Variants in RAB6A observed in about 807,000 individuals in gnomAD.
RAB6A encodes RAB6A, member RAS oncogene family.
RAB6A carries 8 observed loss-of-function variants against 32.3 expected under a neutral mutation model. The observed-to-expected ratio is 0.25, with a 90% CI of 0.15 to 0.45. The LOEUF (loss-of-function observed/expected upper bound fraction) is 0.45. Ranked by LOEUF, RAB6A falls within the 20% of genes least tolerant of loss-of-function variation. The pLI is 1.00. For missense variants in RAB6A, 104 were observed against 249.4 expected, an observed-to-expected ratio of 0.42 and a Z score of 3.93; for synonymous variants, 73 against 82.1, an observed-to-expected ratio of 0.89 and a Z score of 0.60.
intron 1 of RAB6A, among the ~76,000 whole-genome samples, chr11:73,747,135 T>C (rs557831523): frequency 1.2e-4 from 18 of 152,116 alleles, no homozygotes; most frequent in East Asian, 3.9e-4. Context: ...TTTTGGCTTA[T>C]AGAAAAGCTA....
chr11:73,690,498 G>A (rs1945533662), intron 6 of RAB6A, among the ~76,000 whole-genome samples: 2 of 151,768 alleles, frequency 1.3e-5, no homozygotes, highest in South Asian at 2.1e-4. Flanking sequence ...CAATCCTCCT[G>A]CCTCAGCCTC....
chr11:73,701,078 C>T (rs964491203), intron 6 of RAB6A, among the ~76,000 whole-genome samples: 1 of 151,922 alleles, frequency 6.6e-6, no homozygotes, highest in East Asian at 1.9e-4. Flanking sequence ...ATGTGATGTG[C>T]ATTATAATCT....
At chr11:73,718,914 A>T (rs768543416) in intron 3 of RAB6A, 196 bp from the exon 4 acceptor site, 63 of 1,055,458 alleles carry the variant, frequency 6.0e-5, no homozygotes, top group Admixed American at 1.9e-4. Context: ...AAAAATAAAT[A>T]AAAAAAAAAA....
intron 6 of RAB6A, among the ~76,000 whole-genome samples, chr11:73,697,508 C>T (rs1422080192): frequency 2.0e-5 from 3 of 151,648 alleles, no homozygotes; most frequent in African/African-American, 4.9e-5. Context: ...CCACCACACT[C>T]GGCTGATTTT....
intron 1 of RAB6A, among the ~76,000 whole-genome samples, chr11:73,752,816 TC>T (rs1387291189): frequency 1.5e-5 from 2 of 135,790 alleles, no homozygotes; most frequent in Non-Finnish European, 3.1e-5. Context: ...AGACTCCAGC[TC>T]AAAAAAAAGA....
chr11:73,703,766 A>T (rs981217224), intron 6 of RAB6A, among the ~76,000 whole-genome samples: 1 of 151,346 alleles, frequency 6.6e-6, no homozygotes, highest in Non-Finnish European at 1.5e-5. Context: ...AAACAAAAAC[A>T]ATCTAAATTA....
At chr11:73,736,819 A>AAAG (rs562070207) in intron 1 of RAB6A, among the ~76,000 whole-genome samples, 8 of 144,178 alleles carry the variant, frequency 5.5e-5, no homozygotes, top group African/African-American at 2.1e-4. Context: ...GAAAAAAAAA[A>AAAG]AAAAAAACAA....
chr11:73,715,212 C>T (rs895986435), intron 5 of RAB6A, among the ~76,000 whole-genome samples: 1 of 151,996 alleles, frequency 6.6e-6, no homozygotes, highest in South Asian at 2.1e-4. Context: ...CTGCAACCTC[C>T]GCTCCCCTGG....
intron 1 of RAB6A, among the ~76,000 whole-genome samples, chr11:73,742,146 G>T (rs1043533591): frequency 2.6e-5 from 4 of 152,086 alleles, no homozygotes; most frequent in South Asian, 2.1e-4. Flanking sequence ...GCTGGGTGTG[G>T]TGGTGGGCAC....
At chr11:73,693,421 T>A (rs930115943) in intron 6 of RAB6A, among the ~76,000 whole-genome samples, 5 of 152,000 alleles carry the variant, frequency 3.3e-5, no homozygotes, top group African/African-American at 1.2e-4. Context: ...CAGAGAAATA[T>A]GTGTTTAAAG....
At chr11:73,733,745 T>C (rs1946352806) in intron 1 of RAB6A, among the ~76,000 whole-genome samples, 2 of 152,020 alleles carry the variant, frequency 1.3e-5, no homozygotes, top group Admixed American at 6.6e-5. Flanking sequence ...TCTATTTATA[T>C]GACGTTCAAA....
chr11:73,729,000 T>C (rs1395830450), intron 2 of RAB6A, among the ~76,000 whole-genome samples: 1 of 152,202 alleles, frequency 6.6e-6, no homozygotes, highest in African/African-American at 2.4e-5. Flanking sequence ...CTTCTTGAGA[T>C]AGTTTTAGTA....
chr11:73,732,855 C>CA (rs1359765334), intron 1 of RAB6A, among the ~76,000 whole-genome samples: 1 of 151,954 alleles, frequency 6.6e-6, no homozygotes, highest in Non-Finnish European at 1.5e-5. Context: ...CTCTGTCACC[C>CA]AGGCTGGAGT....
At chr11:73,717,958 G>A (rs1946075497) in intron 4 of RAB6A, among the ~76,000 whole-genome samples, 1 of 152,084 alleles carries the variant, frequency 6.6e-6, no homozygotes, top group Non-Finnish European at 1.5e-5. Context: ...CACTTAAAAG[G>A]CCACAGGCAT....
At chr11:73,731,684 TTATATATATA>T (rs1157961323) in intron 1 of RAB6A, among the ~76,000 whole-genome samples, 38 of 14,502 alleles carry the variant, frequency 2.6e-3, no homozygotes, top group African/African-American at 5.0e-3. Context: ...TAGATAGATA[TTATATATATA>T]TATATATATA....
chr11:73,750,775 C>T (rs1469518285), intron 1 of RAB6A, among the ~76,000 whole-genome samples: 1 of 152,128 alleles, frequency 6.6e-6, no homozygotes, highest in Non-Finnish European at 1.5e-5. Flanking sequence ...ATGAATAATG[C>T]TACTATGAGT....
chr11:73,724,796 A>G (rs1348665509), intron 2 of RAB6A, among the ~76,000 whole-genome samples: 3 of 151,894 alleles, frequency 2.0e-5, no homozygotes, highest in Non-Finnish European at 2.9e-5. Context: ...TCCTAAATGT[A>G]TTTCTTTACA....
At chr11:73,691,025 G>A (rs7396121) in intron 6 of RAB6A, among the ~76,000 whole-genome samples, 6,214 of 151,624 alleles carry the variant, frequency 0.041, 185 homozygotes, top group Middle Eastern at 0.088. Context: ...TTTCGGGGGT[G>A]GGGGGGCGAT....
At chr11:73,707,177 G>A (rs999141786) in intron 6 of RAB6A, among the ~76,000 whole-genome samples, 1 of 151,588 alleles carries the variant, frequency 6.6e-6, no homozygotes, top group African/African-American at 2.4e-5. Context: ...AATGTAGTAG[G>A]AATGTAGTGA....
Sources: gnomAD v4.1 joint callset for allele counts (sites outside exome capture counted in the v4.1 genomes callset) on GRCh38, gnomAD v4.1.1 for gene constraint, MANE v1.5 for transcripts, NCBI Gene and HGNC (gene_info 2026-07-23, HGNC 2026-07-21) for gene names.